ACVR1C: variants seen among roughly 807,000 people sequenced by gnomAD.
ACVR1C encodes the protein activin receptor type-1C.
Under a neutral mutation model 57.9 loss-of-function variants are expected in ACVR1C, and 23 were observed. That is an observed-to-expected ratio of 0.40 (90% CI 0.29 to 0.56). ACVR1C has a LOEUF of 0.56. Ranked by LOEUF, ACVR1C falls within the 20% of genes least tolerant of loss-of-function variation. The probability of loss-of-function intolerance (pLI) is 0.50; values close to 1 mark genes in which losing one functional copy is unlikely to be tolerated. For synonymous variants in ACVR1C, 214 were observed against 215.3 expected (o/e 0.99, Z 0.05); for missense variants, 480 against 607.9 (o/e 0.79, Z 2.21).
chr2:157,581,225 A>T (rs1688781520), intron 2 of ACVR1C, among the ~76,000 whole-genome samples: 1 of 152,236 alleles, frequency 6.6e-6, no homozygotes, highest in African/African-American at 2.4e-5. Context: ...AATCATTAAA[A>T]AACACAAGGA....
rs1188683378 is a variant in ACVR1C at position 157,544,630 on chromosome 2, T to A, written c.776-18A>T. 1.3e-6 allele frequency: 2 copies of A among 1,595,354 alleles called. No homozygotes were observed. The highest frequency in any genetic ancestry group is 2.7e-5 in the African/African-American group (2 of 74,260). On this transcript the variant is annotated intron_variant, in intron 4 of 8. Coordinates refer to ENST00000243349, the MANE Select transcript of ACVR1C (RefSeq NM_145259.3). ...TCCATTATCTAACAAGAAAATGTAA[T>A]TTTGTTGTTGTAAATACATATTGAG...
chr2:157,573,117 A>G (rs1211014469), intron 2 of ACVR1C, among the ~76,000 whole-genome samples: 1 of 152,206 alleles, frequency 6.6e-6, no homozygotes, highest in African/African-American at 2.4e-5. Context: ...TTGTAATTAC[A>G]GTTTGCTTTA....
chr2:157,533,825 G>A lies in ACVR1C; in HGVS notation c.*93C>T, dbSNP rs1478904889. The A allele has an allele frequency of 2.3e-6, 3 of 1,316,760 alleles. No individual in the cohort carries two copies. The highest frequency in any genetic ancestry group is 2.0e-6 in the Non-Finnish European group (2 of 993,772). The allele number at this position is 1,316,760 out of a possible 1,614,324, so 81.6% of individuals were successfully genotyped here. ...AATACTGTACTGTCTTATCTTTGAG[G>A]TAGAACAAAAAAAAAATGGCAAAAA... On this transcript the variant is annotated 3_prime_UTR_variant, in exon 9 of 9. Transcript: ENST00000243349.
chr2:157,572,379 TAAA>T (rs552511395), intron 2 of ACVR1C, among the ~76,000 whole-genome samples: 2 of 136,808 alleles, frequency 1.5e-5, no homozygotes, highest in Admixed American at 1.4e-4. Flanking sequence ...AAAAAAAAAT[TAAA>T]AAAAAAAAAA....
At chr2:157,539,796 T>C (rs1231769984) in intron 7 of ACVR1C, among the ~76,000 whole-genome samples, 1 of 152,186 alleles carries the variant, frequency 6.6e-6, no homozygotes. Context: ...CAAACCCTAG[T>C]GTCCATGTTC....
intron 2 of ACVR1C, among the ~76,000 whole-genome samples, chr2:157,567,105 C>A (rs1158644629): frequency 2.1e-5 from 2 of 93,572 alleles, no homozygotes; most frequent in East Asian, 5.7e-4. Flanking sequence ...AGCAGGGGCA[C>A]ACTGACACCT....
chr2:157,541,977 T>C (rs1015135364), intron 6 of ACVR1C, among the ~76,000 whole-genome samples: 19 of 152,216 alleles, frequency 1.2e-4, no homozygotes, highest in African/African-American at 4.6e-4. Flanking sequence ...AGGCTGGCCA[T>C]ATGGCCACAG....
At chr2:157,592,976 G>T (rs910690821) in intron 1 of ACVR1C, among the ~76,000 whole-genome samples, 1 of 152,010 alleles carries the variant, frequency 6.6e-6, no homozygotes, top group African/African-American at 2.4e-5. Context: ...TAATAAGGAG[G>T]TTTATTAGAT....
chr2:157,606,347 T>A (rs572694152), intron 1 of ACVR1C, among the ~76,000 whole-genome samples: 1 of 151,988 alleles, frequency 6.6e-6, no homozygotes, highest in East Asian at 1.9e-4. Context: ...GAATGGTAGT[T>A]CTAATTTTAG....
At chr2:157,553,905 A>T (rs1041497365) in intron 3 of ACVR1C, among the ~76,000 whole-genome samples, 1 of 151,920 alleles carries the variant, frequency 6.6e-6, no homozygotes, top group Non-Finnish European at 1.5e-5. Flanking sequence ...AAATGTGGCC[A>T]GGTGCAGTGG....
intron 2 of ACVR1C, among the ~76,000 whole-genome samples, chr2:157,563,742 C>T (rs1688295752): frequency 1.3e-5 from 2 of 152,212 alleles, no homozygotes; most frequent in Non-Finnish European, 2.9e-5. Context: ...GTAACCAAAA[C>T]AGCATGGTAC....
chr2:157,540,391 G>C (rs532821933), intron 7 of ACVR1C, among the ~76,000 whole-genome samples: 2 of 149,240 alleles, frequency 1.3e-5, no homozygotes, highest in Admixed American at 6.7e-5. Context: ...ACAGAGTTTC[G>C]CTCTTGTTGC....
At chr2:157,542,903 G>C (rs770478700) in intron 5 of ACVR1C, 41 bp from the exon 6 acceptor site, 1 of 1,586,470 alleles carries the variant, frequency 6.3e-7, no homozygotes, top group African/African-American at 1.3e-5. Context: ...TTTCTTTACC[G>C]GAGACTGTTC....
chr2:157,603,991 T>A (rs898553559), intron 1 of ACVR1C, among the ~76,000 whole-genome samples: 3 of 152,064 alleles, frequency 2.0e-5, no homozygotes, highest in Non-Finnish European at 2.9e-5. Context: ...TTCCCAGAGG[T>A]ACCCACGTTT....
rs185895808 is a variant in ACVR1C at position 157,542,914 on chromosome 2, A to G, written c.944-52T>C. On this transcript the variant is annotated intron_variant, in intron 5 of 8. Transcript: ENST00000243349. ...TTTTTTTCTTTACCGGAGACTGTTC[A>G]AGAGAAATCATCCTGAAGACTTAGC... The G allele has an allele frequency of 1.6e-5, 25 of 1,552,584 alleles. No homozygotes were observed. In the East Asian group the frequency reaches 5.3e-4, roughly 33 times the overall value.
intron 2 of ACVR1C, among the ~76,000 whole-genome samples, chr2:157,576,167 A>AGG (rs1428502756): frequency 6.6e-6 from 1 of 150,376 alleles, no homozygotes. Context: ...CCTTCCCCCA[A>AGG]GGCAACCATT....
At chr2:157,573,496 A>C (rs1201746227) in intron 2 of ACVR1C, among the ~76,000 whole-genome samples, 1 of 152,140 alleles carries the variant, frequency 6.6e-6, no homozygotes, top group Non-Finnish European at 1.5e-5. Flanking sequence ...TAAGCACTGT[A>C]TGTTTTGGTA....
At chr2:157,554,541 T>C (rs1420534395) in intron 3 of ACVR1C, among the ~76,000 whole-genome samples, 1 of 152,184 alleles carries the variant, frequency 6.6e-6, no homozygotes, top group Non-Finnish European at 1.5e-5. Context: ...CTTTGAAAGA[T>C]GCTACCTAAT....
intron 1 of ACVR1C, among the ~76,000 whole-genome samples, chr2:157,626,485 G>A (rs1392412440): frequency 1.3e-5 from 2 of 152,206 alleles, no homozygotes; most frequent in Non-Finnish European, 2.9e-5. Flanking sequence ...ATGAAAGGTG[G>A]TGCCTTCTGT....
Sources: gnomAD v4.1 joint callset for allele counts (sites outside exome capture counted in the v4.1 genomes callset) on GRCh38, gnomAD v4.1.1 for gene constraint, MANE v1.5 for transcripts, NCBI Gene and HGNC (gene_info 2026-07-23, HGNC 2026-07-21) for gene names.